The following RBFOX1 variants were observed in gnomAD, a reference collection of about 807,000 sequenced individuals.
RBFOX1 encodes the protein RNA binding protein fox-1 homolog 1.
In RBFOX1, 8 loss-of-function variants were observed where a neutral mutation model predicts 57.7. The ratio of observed to expected loss-of-function variants is 0.14; its 90% CI spans 0.08 to 0.25. RBFOX1 has a LOEUF of 0.25. Ranked by LOEUF, RBFOX1 falls within the 10% of genes least tolerant of loss-of-function variation. RBFOX1 has a pLI of 1.00. For missense variants in RBFOX1, 611 were observed against 548.5 expected (o/e 1.11, Z -1.14); for synonymous variants, 326 against 222.4 (o/e 1.47, Z -4.15).
chr16:7,071,566 C>T (rs1012752171), intron 4 of RBFOX1, among the ~76,000 whole-genome samples: 1 of 148,372 alleles, frequency 6.7e-6, no homozygotes, highest in Admixed American at 6.8e-5. Context: ...ACAACTGACC[C>T]CAACACTAAT....
chr16:6,474,707 C>T (rs537721305), intron 2 of RBFOX1, among the ~76,000 whole-genome samples: 4 of 152,236 alleles, frequency 2.6e-5, no homozygotes, highest in Admixed American at 2.6e-4. Flanking sequence ...AAATTGTTCT[C>T]AGTGGTGAGA....
At position 6,693,706 on chromosome 16, in the gene RBFOX1, TCCTCCA is replaced by T. The variant is rs751979581; in HGVS notation, c.-16+39058_-16+39063del. On this transcript the variant is annotated intron_variant, in intron 3 of 15. Coordinates refer to ENST00000550418, the MANE Select transcript of RBFOX1 (RefSeq NM_018723.4). ...ACCACCATCATCATCACCATCATCC[TCCTCCA>T]CTACCATCACCACCATCATCCTCAT... Among the ~76,000 whole-genome samples the T allele has an allele frequency of 3.5e-3, 530 of 151,530 alleles. 2 individuals carry two copies. Among genetic ancestry groups the T allele is most frequent in the Middle Eastern group, 0.034 (10 of 292 alleles).
chr16:6,976,231 TA>T (rs1224522620), intron 3 of RBFOX1, among the ~76,000 whole-genome samples: 1 of 152,150 alleles, frequency 6.6e-6, no homozygotes, highest in African/African-American at 2.4e-5. Flanking sequence ...AATTATTACA[TA>T]GGGGAAACTG....
intron 4 of RBFOX1, among the ~76,000 whole-genome samples, chr16:7,503,337 C>A (rs976460058): frequency 1.3e-5 from 2 of 152,164 alleles, no homozygotes; most frequent in African/African-American, 4.8e-5. Flanking sequence ...TCCTCTCTTA[C>A]AAAGAAAGTT....
At chr16:7,204,643 C>G (rs1426310257) in intron 4 of RBFOX1, among the ~76,000 whole-genome samples, 1 of 152,126 alleles carries the variant, frequency 6.6e-6, no homozygotes, top group Non-Finnish European at 1.5e-5. Flanking sequence ...AAGACTGTGT[C>G]TTAAGAAAAT....
intron 2 of RBFOX1, among the ~76,000 whole-genome samples, chr16:5,540,344 G>A (rs1246822136): frequency 6.6e-6 from 1 of 152,188 alleles, no homozygotes; most frequent in African/African-American, 2.4e-5. Context: ...GACAGATTAT[G>A]TATACTATGA....
intron 2 of RBFOX1, among the ~76,000 whole-genome samples, chr16:6,602,754 C>T (rs554376325): frequency 5.3e-4 from 81 of 152,182 alleles, no homozygotes; most frequent in Admixed American, 2.3e-3. Flanking sequence ...GCTGCTTTAT[C>T]CCTTCTGTGC....
chr16:7,646,731 TC>T (rs900140713), intron 11 of RBFOX1, among the ~76,000 whole-genome samples: 1 of 152,324 alleles, frequency 6.6e-6, no homozygotes, highest in Admixed American at 6.5e-5. Flanking sequence ...CTCTTCCATC[TC>T]CCCCAGAGCT....
chr16:7,435,209 T>G (rs2098712437), intron 4 of RBFOX1, among the ~76,000 whole-genome samples: 1 of 152,090 alleles, frequency 6.6e-6, no homozygotes, highest in African/African-American at 2.4e-5. Flanking sequence ...TCTGTGACTG[T>G]TTCTTAGACT....
intron 1 of RBFOX1, among the ~76,000 whole-genome samples, chr16:5,412,769 C>G (rs930073006): frequency 6.6e-6 from 1 of 152,242 alleles, no homozygotes; most frequent in East Asian, 1.9e-4. Flanking sequence ...GGAGGCTAAT[C>G]AGCCCGCCCT....
intron 4 of RBFOX1, among the ~76,000 whole-genome samples, chr16:7,515,275 T>C (rs1231032190): frequency 1.5e-5 from 2 of 137,676 alleles, no homozygotes; most frequent in Non-Finnish European, 3.2e-5. Flanking sequence ...TTTTTTTTTT[T>C]AATTAGTCAA....
chr16:5,585,299 T>G (rs1398742811), intron 2 of RBFOX1, among the ~76,000 whole-genome samples: 1 of 152,216 alleles, frequency 6.6e-6, no homozygotes, highest in Non-Finnish European at 1.5e-5. Flanking sequence ...TTGTTTAGCA[T>G]AATGTTTTCA....
chr16:7,302,079 G>A (rs1223464080), intron 4 of RBFOX1, among the ~76,000 whole-genome samples: 5 of 152,126 alleles, frequency 3.3e-5, no homozygotes, highest in African/African-American at 1.2e-4. Flanking sequence ...GTACAGAATA[G>A]CAGCCTCTAC....
intron 4 of RBFOX1, among the ~76,000 whole-genome samples, chr16:7,060,696 C>T (rs931210803): frequency 1.3e-5 from 2 of 152,138 alleles, no homozygotes; most frequent in Non-Finnish European, 2.9e-5. Flanking sequence ...CAAGTAATTT[C>T]TGGGACTCCC....
intron 4 of RBFOX1, among the ~76,000 whole-genome samples, chr16:7,500,570 C>G (rs903538819): frequency 6.6e-6 from 1 of 152,132 alleles, no homozygotes; most frequent in Non-Finnish European, 1.5e-5. Context: ...ATGAAAATAT[C>G]TTAGGGAACA....
chr16:5,310,180 C>G (rs895251311), intron 1 of RBFOX1, among the ~76,000 whole-genome samples: 2 of 152,144 alleles, frequency 1.3e-5, no homozygotes, highest in Non-Finnish European at 2.9e-5. Flanking sequence ...GGGCGGATCA[C>G]TCGAGGGCAG....
At chr16:6,175,097 C>G (rs1364674384) in intron 1 of RBFOX1, among the ~76,000 whole-genome samples, 1 of 152,158 alleles carries the variant, frequency 6.6e-6, no homozygotes, top group Non-Finnish European at 1.5e-5. Flanking sequence ...AGTGTAAGCA[C>G]TTAGAACTAT....
intron 10 of RBFOX1, among the ~76,000 whole-genome samples, chr16:7,625,473 A>T (rs572399462): frequency 6.6e-4 from 100 of 152,256 alleles, no homozygotes; most frequent in African/African-American, 2.3e-3. Flanking sequence ...AGTGCATGAC[A>T]TATACAGAAA....
At chr16:7,239,967 TG>T (rs1270775782) in intron 4 of RBFOX1, among the ~76,000 whole-genome samples, 1 of 152,140 alleles carries the variant, frequency 6.6e-6, no homozygotes, top group Non-Finnish European at 1.5e-5. Context: ...AACTATAAGA[TG>T]ATGGTGACGA....
Sources: gnomAD v4.1 joint callset for allele counts (sites outside exome capture counted in the v4.1 genomes callset) on GRCh38, gnomAD v4.1.1 for gene constraint, MANE v1.5 for transcripts, NCBI Gene and HGNC (gene_info 2026-07-23, HGNC 2026-07-21) for gene names.